Variants in SCN9A observed in about 807,000 individuals in gnomAD.
The protein encoded by SCN9A is sodium voltage-gated channel alpha subunit 9, also known as sodium channel protein type 9 subunit alpha.
Under a neutral mutation model 187.0 loss-of-function variants are expected in SCN9A, and 131 were observed. The observed-to-expected ratio is 0.70, with a 90% CI of 0.61 to 0.81. The LOEUF is 0.81. Ranked by LOEUF, SCN9A falls within the 30% of genes least tolerant of loss-of-function variation. The pLI is 0.00. For synonymous variants in SCN9A, 809 were observed against 808.6 expected (o/e 1.00, Z -0.01); for missense variants, 2,252 against 2,396.6 (o/e 0.94, Z 1.26).
chr2:166,254,944 AATAAT>A (rs1405250608), intron 17 of SCN9A, among the ~76,000 whole-genome samples: 1 of 151,464 alleles, frequency 6.6e-6, no homozygotes, highest in African/African-American at 2.4e-5. Context: ...CTTTTTATTG[AATAAT>A]ATGATATTGA....
chr2:166,341,013 T>C (rs1699772469), intron 1 of SCN9A, among the ~76,000 whole-genome samples: 1 of 152,214 alleles, frequency 6.6e-6, no homozygotes, highest in African/African-American at 2.4e-5. Context: ...TGCATTTCTT[T>C]GTATTATTAT....
chr2:166,307,122 T>C (rs763974094), intron 2 of SCN9A, 48 bp from the exon 3 acceptor site: 1 of 1,078,766 alleles, frequency 9.3e-7, no homozygotes, highest in African/African-American at 1.6e-5. Context: ...AAAATATCAA[T>C]TTTTCACATC....
chr2:166,292,833 G>A (rs1698137479), intron 9 of SCN9A, among the ~76,000 whole-genome samples: 1 of 152,088 alleles, frequency 6.6e-6, no homozygotes, highest in Non-Finnish European at 1.5e-5. Context: ...CTTTAAATAG[G>A]AGTTCAAAAA....
At chr2:166,273,468 G>T (rs554938718) in intron 16 of SCN9A, among the ~76,000 whole-genome samples, 4 of 152,146 alleles carry the variant, frequency 2.6e-5, no homozygotes, top group African/African-American at 9.6e-5. Context: ...CACAGAAAAG[G>T]ACCTGCCCCT....
chr2:166,228,105 C>G (rs13406236), intron 22 of SCN9A, among the ~76,000 whole-genome samples: 1 of 151,846 alleles, frequency 6.6e-6, no homozygotes, highest in Non-Finnish European at 1.5e-5. Flanking sequence ...AGTTCAAAAA[C>G]GTTCATTTTT....
intron 10 of SCN9A, among the ~76,000 whole-genome samples, chr2:166,287,815 C>T (rs1697839405): frequency 6.6e-6 from 1 of 151,726 alleles, no homozygotes; most frequent in Non-Finnish European, 1.5e-5. Context: ...ATCCTTGTGA[C>T]ATTAACAAAA....
chr2:166,375,971 T>C (rs1184091361), upstream of SCN9A: 1 of 152,096 alleles, frequency 6.6e-6, no homozygotes, highest in Non-Finnish European at 1.5e-5. Context: ...GGCGCGCCCG[T>C]GGAGGTAGCA....
chr2:166,274,684 A>G (rs895166546), intron 16 of SCN9A, among the ~76,000 whole-genome samples: 1 of 152,156 alleles, frequency 6.6e-6, no homozygotes, highest in Non-Finnish European at 1.5e-5. Context: ...AGAATTAATA[A>G]TTAAAGAATA....
At chr2:166,312,564 C>A (rs1321478852) in intron 1 of SCN9A, among the ~76,000 whole-genome samples, 2 of 152,090 alleles carry the variant, frequency 1.3e-5, no homozygotes, top group African/African-American at 4.8e-5. Flanking sequence ...AATGGTGAAT[C>A]CTTTCCAGAA....
At chr2:166,254,307 G>A (rs978255317) in intron 17 of SCN9A, among the ~76,000 whole-genome samples, 2 of 151,416 alleles carry the variant, frequency 1.3e-5, no homozygotes, top group African/African-American at 4.8e-5. Context: ...AATGCATTAA[G>A]TATTCAAACA....
chr2:166,243,752 T>C (rs1024828483), intron 18 of SCN9A, among the ~76,000 whole-genome samples: 2 of 151,852 alleles, frequency 1.3e-5, no homozygotes, highest in Non-Finnish European at 2.9e-5. Context: ...TTATATCCTA[T>C]TGAGGTTGAG....
rs943462324 is a variant in SCN9A, at chr2:166,198,566, G to A, written c.*106C>T. 4.6e-6 allele frequency: 4 copies of A among 867,614 alleles called. No homozygotes were observed. Among genetic ancestry groups the A allele is most frequent in the Non-Finnish European group, 6.9e-6 (4 of 578,416 alleles). The allele number at this position is 867,614 out of a possible 1,614,324, so 53.7% of individuals were successfully genotyped here. ...GAGTTAGTGACTGCACTGCCTTCGA[G>A]AATATTTTGATAAAAAGGATTTTGG... is the stretch of plus-strand genomic sequence containing the variant. On this transcript the variant is annotated 3_prime_UTR_variant, in exon 27 of 27. Coordinates refer to ENST00000642356, the MANE Select transcript of SCN9A (RefSeq NM_001365536.1).
intron 3 of SCN9A, 78 bp downstream of exon 3, chr2:166,306,878 A>G (rs541061398): frequency 7.7e-5 from 60 of 777,458 alleles, no homozygotes; most frequent in Non-Finnish European, 1.2e-4. Context: ...TGCAAAAGGT[A>G]TAACATCTAT....
chr2:166,294,781 A>C (rs531948485), intron 7 of SCN9A, 119 bp from the exon 8 acceptor site: 1 of 528,814 alleles, frequency 1.9e-6, no homozygotes, highest in Middle Eastern at 4.2e-4. Flanking sequence ...GTCCCAGGCA[A>C]TATGCATCCA....
intron 21 of SCN9A, among the ~76,000 whole-genome samples, chr2:166,230,560 G>T (rs1348352699): frequency 1.3e-5 from 2 of 152,108 alleles, no homozygotes; most frequent in African/African-American, 4.8e-5. Context: ...TGGTATCACT[G>T]CCTTGAATGC....
chr2:166,339,746 T>A (rs139564447), intron 1 of SCN9A, among the ~76,000 whole-genome samples: 1 of 152,310 alleles, frequency 6.6e-6, no homozygotes, highest in African/African-American at 2.4e-5. Context: ...GTATAAAGGT[T>A]ACCTTAAAAT....
At chr2:166,228,633 T>C (rs1574760854) in intron 22 of SCN9A, 58 bp downstream of exon 22, 1 of 76,060 alleles carries the variant, frequency 1.3e-5, no homozygotes, top group Non-Finnish European at 2.0e-5. Context: ...AAGAATAACT[T>C]ATATCCTTCG....
At chr2:166,290,236 G>A (rs1406194046) in intron 9 of SCN9A, among the ~76,000 whole-genome samples, 2 of 152,064 alleles carry the variant, frequency 1.3e-5, no homozygotes, top group African/African-American at 4.8e-5. Flanking sequence ...TCCCTGTAAA[G>A]GACATGATCT....
At chr2:166,373,624 G>A (rs921046117) in intron 1 of SCN9A, among the ~76,000 whole-genome samples, 23 of 152,124 alleles carry the variant, frequency 1.5e-4, no homozygotes, top group African/African-American at 5.3e-4. Flanking sequence ...AAGGAAGAGA[G>A]CAATCAAAGG....
Sources: gnomAD v4.1 joint callset for allele counts (sites outside exome capture counted in the v4.1 genomes callset) on GRCh38, gnomAD v4.1.1 for gene constraint, MANE v1.5 for transcripts, NCBI Gene and HGNC (gene_info 2026-07-23, HGNC 2026-07-21) for gene names.